The following SP140 variants were observed in gnomAD, a reference collection of about 807,000 sequenced individuals.
SP140 encodes nuclear body protein SP140.
In SP140, 81 loss-of-function variants were observed where a neutral mutation model predicts 125.0. The observed-to-expected ratio is 0.65, with a 90% CI of 0.54 to 0.78. The LOEUF (loss-of-function observed/expected upper bound fraction) is 0.78. SP140 is among the 30% of genes least tolerant of loss of function. The pLI is 0.00. For synonymous variants in SP140, 312 were observed against 354.0 expected (o/e 0.88, Z 1.33); for missense variants, 858 against 1,037.0 (o/e 0.83, Z 2.37).
At chr2:230,208,867 T>C (rs758179800) in intron 1 of SP140, among the ~76,000 whole-genome samples, 1 of 152,076 alleles carries the variant, frequency 6.6e-6, no homozygotes, top group Non-Finnish European at 1.5e-5. Flanking sequence ...GAAAGGCAGG[T>C]TTAAGATAAT....
chr2:230,245,832 T>G, intron 6 of SP140, 31 bp from the exon 7 acceptor site: 1 of 1,460,690 alleles, frequency 6.8e-7, no homozygotes, highest in African/African-American at 1.4e-5. Context: ...TCACTGCCAA[T>G]TGTCTGTCAT....
chr2:230,229,613 G>GC (rs1201319863), intron 1 of SP140, among the ~76,000 whole-genome samples: 1 of 151,076 alleles, frequency 6.6e-6, no homozygotes, highest in African/African-American at 2.4e-5. Flanking sequence ...GACTACAGGC[G>GC]CCCACCACCA....
chr2:230,202,066 ACAAT>A (rs1178108819), upstream of SP140, among the ~76,000 whole-genome samples: 4 of 152,228 alleles, frequency 2.6e-5, no homozygotes, highest in African/African-American at 4.8e-5. Flanking sequence ...AAGCTCACTC[ACAAT>A]CAAAGAGATT....
intron 12 of SP140, among the ~76,000 whole-genome samples, chr2:230,260,155 G>A (rs1040613036): frequency 2.6e-5 from 4 of 152,024 alleles, no homozygotes; most frequent in African/African-American, 4.8e-5. Context: ...AGGTGGTATC[G>A]CATTGTGGTT....
In SP140 at chr2:230,208,057, T is replaced by G. The variant is rs1394123939; in HGVS notation, c.-323+4778T>G. 2.7e-6 allele frequency: 4 copies of G among 1,505,728 alleles called. No individual in the cohort carries two copies. In the East Asian group the frequency reaches 9.0e-5, roughly 34 times the overall value. The allele number at this position is 1,505,728 out of a possible 1,614,324, so 93.3% of individuals were successfully genotyped here. On this transcript the variant is annotated intron_variant, in intron 1 of 4. Coordinates refer to the SP140 transcript ENST00000456542. ...GACCAGATACATCTTTTTCTTTTCT[T>G]TCCTAAAAAGAAAGGATAATGTTTT... is the stretch of plus-strand genomic sequence containing the variant.
At chr2:230,307,980 TATATATATATACACACACACACACAC>T (rs2058949719) in intron 22 of SP140, among the ~76,000 whole-genome samples, 1 of 96,086 alleles carries the variant, frequency 1.0e-5, no homozygotes, top group African/African-American at 3.9e-5. Context: ...TATATATATA[TATATATATATACACACACACACACAC>T]ACACACACAC....
Position 230,211,643 on chromosome 2 carries a change from A to C in SP140, c.-322-2011A>C. ...AAGAGAATGCTCTATTCCAACAAGT[A>C]AAAATGACGGGGTAACAGCAACCAA... is the stretch of plus-strand genomic sequence containing the variant. On this transcript the variant is annotated intron_variant, in intron 1 of 4. Coordinates refer to the SP140 transcript ENST00000456542. The surrounding 1 kb of genome is among the most constrained non-coding windows in gnomAD (Gnocchi z 4.2). 1 of 848,572 alleles carries C rather than the reference A, an allele frequency of 1.2e-6. No individual in the cohort carries two copies. The highest frequency in any genetic ancestry group is 1.3e-5 in the South Asian group (1 of 74,364). The allele number at this position is 848,572 out of a possible 1,614,324, so 52.6% of individuals were successfully genotyped here. A position where few individuals can be genotyped will look rare whatever the true frequency, so the allele number is the denominator to read the frequency against.
At chr2:230,255,335 G>A (rs1575042822) in intron 11 of SP140, 117 bp from the exon 12 acceptor site, 1 of 1,174,108 alleles carries the variant, frequency 8.5e-7, no homozygotes, top group East Asian at 2.4e-5. Flanking sequence ...GACCTGGGTG[G>A]GGGACAGCCC....
intron 3 of SP140, chr2:230,216,638 T>A (rs2045211210): frequency 2.1e-6 from 2 of 974,432 alleles, no homozygotes; most frequent in Non-Finnish European, 1.6e-6. Flanking sequence ...CTCTCCTAAC[T>A]ACCCCCACCT....
intron 12 of SP140, among the ~76,000 whole-genome samples, chr2:230,259,602 G>A (rs564746177): frequency 4.1e-4 from 62 of 151,414 alleles, no homozygotes; most frequent in African/African-American, 1.4e-3. Flanking sequence ...CAGGAGAATT[G>A]CTTGAACCCG....
intron 18 of SP140, 113 bp downstream of exon 18, chr2:230,288,079 T>A: frequency 1.1e-6 from 1 of 870,376 alleles, no homozygotes; most frequent in Non-Finnish European, 1.7e-6. Context: ...GAAGCTGTAC[T>A]AACTAGTGAG....
chr2:230,202,647 C>G, upstream of SP140: 4 of 1,614,096 alleles, frequency 2.5e-6, no homozygotes, highest in Non-Finnish European at 3.4e-6. Context: ...CGTGGAGTTA[C>G]AAGTTGAGTC....
At chr2:230,305,125 T>C (rs1437939239) in intron 22 of SP140, among the ~76,000 whole-genome samples, 2 of 152,066 alleles carry the variant, frequency 1.3e-5, no homozygotes, top group African/African-American at 4.8e-5. Context: ...CAAAAGAAGA[T>C]ATACAAATGG....
At chr2:230,266,360 A>G (rs73998788) in intron 12 of SP140, among the ~76,000 whole-genome samples, 2,260 of 152,300 alleles carry the variant, frequency 0.015, 39 homozygotes, top group African/African-American at 0.051. Context: ...AGATCTATAG[A>G]GTATAATAGA....
intron 3 of SP140, chr2:230,216,755 CCATGGAAGGGTTCAA>C: frequency 6.2e-7 from 1 of 1,612,822 alleles, no homozygotes; most frequent in East Asian, 2.2e-5. Flanking sequence ...GGCTGGGCTG[CCATGGAAGGGTTCAA>C]CATGACTCAC....
intron 15 of SP140, among the ~76,000 whole-genome samples, chr2:230,276,183 G>A (rs1559312633): frequency 6.6e-6 from 1 of 152,064 alleles, no homozygotes; most frequent in Non-Finnish European, 1.5e-5. Flanking sequence ...CCTTTTATTG[G>A]AAGAAGATGC....
Position 230,216,965 on chromosome 2 carries a change from G to T in SP140, c.-91+2891G>T, listed in dbSNP as rs57654919. The T allele has an allele frequency of 4.2e-3, 6,704 of 1,594,796 alleles. 246 individuals are homozygous for T. The African/African-American group carries it at 0.081, about 19-fold the overall frequency. On this transcript the variant is annotated intron_variant, in intron 3 of 4. Transcript: ENST00000456542. ...GGCATGATAAAAAATAGAAGCAAAG[G>T]CTGGGCGCGGTGGCTCATGCCTGTA...
At chr2:230,192,928 C>T in the SP140 span, among the ~76,000 whole-genome samples, 2 of 152,058 alleles carry the variant, frequency 1.3e-5, no homozygotes, top group East Asian at 3.8e-4. Context: ...TCAATGATCT[C>T]TCTGGTGCTG....
upstream of SP140, among the ~76,000 whole-genome samples, chr2:230,222,395 C>T (rs899511156): frequency 1.3e-5 from 2 of 151,996 alleles, no homozygotes; most frequent in African/African-American, 4.8e-5. Flanking sequence ...GTACATTTTA[C>T]CAAATGTAGT....
Sources: allele counts gnomAD v4.1 joint callset (sites outside exome capture counted in the v4.1 genomes callset), GRCh38; gene constraint gnomAD v4.1.1; non-coding constraint Gnocchi (gnomAD v3.1); transcripts MANE v1.5; gene names NCBI Gene and HGNC (gene_info 2026-07-23, HGNC 2026-07-21).